The following UNC5C variants were observed in gnomAD, a reference collection of about 807,000 sequenced individuals.
UNC5C encodes netrin receptor UNC5C.
Under a neutral mutation model 99.8 loss-of-function variants are expected in UNC5C, and 47 were observed. The ratio of observed to expected loss-of-function variants is 0.47; its 90% CI spans 0.37 to 0.60. UNC5C has a LOEUF of 0.60. UNC5C is among the 20% of genes least tolerant of loss of function. UNC5C has a pLI of 0.00. For missense variants in UNC5C, 1,062 were observed against 1,165.9 expected (o/e 0.91, Z 1.30); for synonymous variants, 487 against 452.2 (o/e 1.08, Z -0.98).
intron 1 of UNC5C, among the ~76,000 whole-genome samples, chr4:95,513,179 G>A (rs947205978): frequency 6.6e-6 from 1 of 152,210 alleles, no homozygotes; most frequent in African/African-American, 2.4e-5. Context: ...ATCCCGGCAT[G>A]TAATGCAATT....
At chr4:95,329,030 C>T (rs1381420494) in intron 2 of UNC5C, among the ~76,000 whole-genome samples, 1 of 152,156 alleles carries the variant, frequency 6.6e-6, no homozygotes, top group East Asian at 1.9e-4. Context: ...AGGGAACTCT[C>T]CTCTCTCACC....
chr4:95,406,537 A>G (rs1204258826), intron 1 of UNC5C, among the ~76,000 whole-genome samples: 1 of 152,206 alleles, frequency 6.6e-6, no homozygotes, highest in East Asian at 1.9e-4. Context: ...ATGGGATGCA[A>G]CTAGGGCAGA....
intron 7 of UNC5C, among the ~76,000 whole-genome samples, chr4:95,236,244 C>T (rs1262975236): frequency 6.6e-6 from 1 of 152,110 alleles, no homozygotes; most frequent in African/African-American, 2.4e-5. Context: ...CCATGGAATA[C>T]TATGCAGCCA....
At chr4:95,205,817 A>G (rs3775044) in intron 11 of UNC5C, among the ~76,000 whole-genome samples, 112,865 of 151,846 alleles carry the variant, frequency 0.74, 42,912 homozygotes, top group Middle Eastern at 0.9. Flanking sequence ...CAGCAGCTGC[A>G]GACAGCCAGA....
intron 1 of UNC5C, among the ~76,000 whole-genome samples, chr4:95,450,069 TATTTTA>T: frequency 6.6e-6 from 1 of 152,366 alleles, no homozygotes. Context: ...AGGAGAATTC[TATTTTA>T]TAAGAATCTC....
chr4:95,477,045 T>C (rs1202327877), intron 1 of UNC5C, among the ~76,000 whole-genome samples: 3 of 152,082 alleles, frequency 2.0e-5, no homozygotes, highest in Admixed American at 6.6e-5. Flanking sequence ...GACACAAATA[T>C]GCGACAGAGA....
intron 2 of UNC5C, 33 bp from the exon 3 acceptor site, chr4:95,301,782 A>G: frequency 7.5e-6 from 12 of 1,604,218 alleles, no homozygotes; most frequent in Non-Finnish European, 1.0e-5. Flanking sequence ...TTAAGTCAAC[A>G]CAAGATTCAT....
chr4:95,516,594 C>A (rs1451490772), intron 1 of UNC5C, among the ~76,000 whole-genome samples: 8 of 152,162 alleles, frequency 5.3e-5, no homozygotes. Flanking sequence ...CGGCCGCCCT[C>A]TTCATAGTGG....
At chr4:95,325,360 G>A (rs1291537910) in intron 2 of UNC5C, among the ~76,000 whole-genome samples, 2 of 151,336 alleles carry the variant, frequency 1.3e-5, no homozygotes, top group Non-Finnish European at 3.0e-5. Flanking sequence ...GAAGATGTAG[G>A]TGGCTATTTA....
At chr4:95,405,067 T>C (rs1745798182) in intron 1 of UNC5C, among the ~76,000 whole-genome samples, 1 of 152,158 alleles carries the variant, frequency 6.6e-6, no homozygotes, top group South Asian at 2.1e-4. Flanking sequence ...TTCGAGTGTG[T>C]GACCCGAATC....
intron 1 of UNC5C, among the ~76,000 whole-genome samples, chr4:95,453,720 G>C (rs1280195309): frequency 1.3e-5 from 2 of 151,990 alleles, no homozygotes; most frequent in African/African-American, 2.4e-5. Context: ...AGAGAATACA[G>C]ACAAATAAGC....
chr4:95,165,242 G>A lies in UNC5C; in HGVS notation c.*3992C>T, dbSNP rs1158142671. The A allele has an allele frequency of 1.3e-5, 2 of 151,258 alleles. No individual in the cohort carries two copies. The highest frequency in any genetic ancestry group is 6.5e-5 in the Admixed American group (1 of 15,272). 9.4% of individuals were successfully genotyped at this position (151,258 alleles called of 1,614,324 possible). A position where few individuals can be genotyped will look rare whatever the true frequency, so the allele number is the denominator to read the frequency against. On this transcript the variant is annotated 3_prime_UTR_variant, in exon 16 of 16. Transcript: ENST00000453304. Reference sequence around the variant, plus strand: ...AGGGTGTCCTGAACTCAGTCCCCACGACTTTTTTCTCCTGAAAATCGCTCT... The same window carrying A: ...AGGGTGTCCTGAACTCAGTCCCCACAACTTTTTTCTCCTGAAAATCGCTCT...
intron 3 of UNC5C, among the ~76,000 whole-genome samples, chr4:95,298,859 A>G (rs1027391405): frequency 6.6e-6 from 1 of 152,218 alleles, no homozygotes; most frequent in Admixed American, 6.5e-5. Context: ...ATACAAACAT[A>G]TACATATATA....
chr4:95,300,599 T>C (rs1043047801), intron 3 of UNC5C, among the ~76,000 whole-genome samples: 2 of 152,214 alleles, frequency 1.3e-5, no homozygotes, highest in Admixed American at 6.5e-5. Flanking sequence ...CAAGGAATGA[T>C]ATATGCCATT....
At chr4:95,542,317 A>G (rs1722940568) in intron 1 of UNC5C, among the ~76,000 whole-genome samples, 2 of 152,186 alleles carry the variant, frequency 1.3e-5, no homozygotes, top group African/African-American at 4.8e-5. Flanking sequence ...AAAAGAGGGT[A>G]TTCACCAAAC....
intron 2 of UNC5C, among the ~76,000 whole-genome samples, chr4:95,317,139 A>C (rs1298620351): frequency 6.6e-6 from 1 of 152,060 alleles, no homozygotes. Context: ...GGTTCAGAGG[A>C]TTTACATGCT....
intron 14 of UNC5C, among the ~76,000 whole-genome samples, chr4:95,175,914 C>T (rs1736322752): frequency 6.6e-6 from 1 of 151,524 alleles, no homozygotes; most frequent in Non-Finnish European, 1.5e-5. Context: ...TCCACATAGT[C>T]CCATATTTCT....
chr4:95,204,868 A>G (rs1737816681), intron 11 of UNC5C, among the ~76,000 whole-genome samples: 1 of 152,240 alleles, frequency 6.6e-6, no homozygotes, highest in South Asian at 2.1e-4. Context: ...AGGCCTTGCA[A>G]CATGATCTGA....
chr4:95,388,302 C>T (rs1212386161), intron 1 of UNC5C, among the ~76,000 whole-genome samples: 1 of 152,152 alleles, frequency 6.6e-6, no homozygotes, highest in Admixed American at 6.5e-5. Flanking sequence ...AAAGTCTGAT[C>T]TATTACTCAT....
Sources: gnomAD v4.1 joint callset for allele counts (sites outside exome capture counted in the v4.1 genomes callset) on GRCh38, gnomAD v4.1.1 for gene constraint, MANE v1.5 for transcripts, NCBI Gene and HGNC (gene_info 2026-07-23, HGNC 2026-07-21) for gene names.